EXOC6B: variants seen among roughly 807,000 people sequenced by gnomAD.
The protein encoded by EXOC6B is SEC15 homolog B.
EXOC6B carries 54 observed loss-of-function variants against 113.5 expected under a neutral mutation model. The observed-to-expected ratio is 0.48, with a 90% CI of 0.38 to 0.60. The LOEUF is 0.60. Ranked by LOEUF, EXOC6B falls within the 20% of genes least tolerant of loss-of-function variation. EXOC6B has a pLI of 0.00. For synonymous variants in EXOC6B, 357 were observed against 339.0 expected (o/e 1.05, Z -0.58); for missense variants, 797 against 977.5 (o/e 0.82, Z 2.46).
At chr2:72,182,505 G>A (rs1264387531) in intron 21 of EXOC6B, among the ~76,000 whole-genome samples, 1 of 152,122 alleles carries the variant, frequency 6.6e-6, no homozygotes, top group African/African-American at 2.4e-5. Context: ...TATAAGAGAT[G>A]CAGGTTCTAG....
chr2:72,533,743 C>G (rs575627086), intron 8 of EXOC6B, among the ~76,000 whole-genome samples: 1 of 152,232 alleles, frequency 6.6e-6, no homozygotes, highest in East Asian at 1.9e-4. Context: ...AGCTCTTTCT[C>G]CTCACACTTC....
intron 8 of EXOC6B, among the ~76,000 whole-genome samples, chr2:72,523,674 G>C (rs931804516): frequency 1.3e-5 from 2 of 151,468 alleles, no homozygotes; most frequent in Non-Finnish European, 2.9e-5. Context: ...CCAGCTACTC[G>C]GGAGGCTGAG....
At chr2:72,262,925 A>G (rs1046284998) in intron 20 of EXOC6B, among the ~76,000 whole-genome samples, 19 of 152,234 alleles carry the variant, frequency 1.2e-4, no homozygotes, top group African/African-American at 4.6e-4. Context: ...CATGTAGACA[A>G]TAAACAAGCC....
chr2:72,581,310 G>A (rs751564953), intron 6 of EXOC6B, among the ~76,000 whole-genome samples: 19 of 151,782 alleles, frequency 1.3e-4, no homozygotes, highest in African/African-American at 3.4e-4. Flanking sequence ...TATCAGATTC[G>A]AACAAACAAA....
intron 8 of EXOC6B, among the ~76,000 whole-genome samples, chr2:72,554,755 T>C (rs1023819461): frequency 1.3e-5 from 2 of 152,134 alleles, no homozygotes; most frequent in African/African-American, 4.8e-5. Context: ...TTTGTTTTTA[T>C]TTTTTATTTT....
intron 18 of EXOC6B, among the ~76,000 whole-genome samples, chr2:72,388,006 T>C (rs563440213): frequency 6.6e-6 from 1 of 152,280 alleles, no homozygotes; most frequent in East Asian, 1.9e-4. Context: ...CAATTTTGTT[T>C]CCCAGGGACA....
chr2:72,708,947 T>C (rs906458426), intron 6 of EXOC6B, among the ~76,000 whole-genome samples: 2 of 145,708 alleles, frequency 1.4e-5, no homozygotes, highest in Admixed American at 7.0e-5. Context: ...TCTTACTATG[T>C]TGCCCACACT....
At chr2:72,401,508 T>C (rs1483179932) in intron 18 of EXOC6B, among the ~76,000 whole-genome samples, 2 of 50,944 alleles carry the variant, frequency 3.9e-5, no homozygotes, top group African/African-American at 3.8e-4. Context: ...TATATATATA[T>C]ATATATACAT....
At chr2:72,312,937 C>T (rs1157235032) in intron 20 of EXOC6B, among the ~76,000 whole-genome samples, 1 of 152,094 alleles carries the variant, frequency 6.6e-6, no homozygotes, top group Admixed American at 6.5e-5. Flanking sequence ...CACAAGCATT[C>T]TAACCTCCTC....
chr2:72,325,308 A>G (rs2104844112), intron 20 of EXOC6B, among the ~76,000 whole-genome samples: 1 of 152,256 alleles, frequency 6.6e-6, no homozygotes, highest in South Asian at 2.1e-4. Context: ...TTAAGAGATG[A>G]GAATCCCATA....
rs575963279 is a variant in EXOC6B, at chr2:72,726,356, G to A, written c.464+4651C>T. Among the ~76,000 whole-genome samples the A allele has an allele frequency of 2.2e-4, 33 of 152,194 alleles. No homozygotes were observed. The East Asian group carries it at 6.4e-3, about 29-fold the overall frequency. The stretch of plus-strand genomic sequence containing the variant: ...TACACTTAAAAATGATGAATGTTAT[G>A]ATATATGAATTGTAATTCAATTTAA... On this transcript the variant is annotated intron_variant, in intron 5 of 21. Transcript: ENST00000272427.
intron 18 of EXOC6B, among the ~76,000 whole-genome samples, chr2:72,391,830 C>T (rs1479939921): frequency 6.6e-6 from 1 of 152,098 alleles, no homozygotes; most frequent in Non-Finnish European, 1.5e-5. Context: ...CCTGTGAGCC[C>T]AGGAATTTAA....
Position 72,499,938 on chromosome 2 carries a change from A to G in EXOC6B, c.1202T>C (p.Leu401Ser), listed in dbSNP as rs2105589514. Residue 401 changes from leucine (L) to serine (S), a missense_variant, in exon 12 of 22, where the codon TTG becomes TCG. Physicochemically the swap from Leu to Ser is moderately radical, Grantham distance 145 (BLOSUM62 -2). Coordinates refer to ENST00000272427, the MANE Select transcript of EXOC6B (RefSeq NM_015189.3). ...AGCAAAAAGCACAATGAGGTTCTTC[A>G]AATCTAACACAAGGTTTGGATCAGA... ...YCSDPNLVLD[L>S]KNLIVLFADT... is the part of the protein sequence containing the mutation. 2 of 1,553,582 alleles carry G rather than the reference A, an allele frequency of 1.3e-6. No individual in the cohort carries two copies. Among genetic ancestry groups the G allele is most frequent in the East Asian group, 4.9e-5 (2 of 41,234 alleles).
At chr2:72,404,740 A>G (rs1015088489) in intron 18 of EXOC6B, among the ~76,000 whole-genome samples, 8 of 152,236 alleles carry the variant, frequency 5.3e-5, no homozygotes, top group African/African-American at 1.9e-4. Flanking sequence ...AAGGTAGATA[A>G]AACCACAAAG....
chr2:72,663,093 A>G (rs371387741), intron 6 of EXOC6B, among the ~76,000 whole-genome samples: 16 of 152,322 alleles, frequency 1.1e-4, no homozygotes, highest in African/African-American at 2.6e-4. Flanking sequence ...TTTACCATAG[A>G]TAAATAGAAA....
intron 5 of EXOC6B, among the ~76,000 whole-genome samples, chr2:72,721,115 G>A (rs1044198139): frequency 2.6e-5 from 4 of 151,898 alleles, no homozygotes; most frequent in African/African-American, 7.3e-5. Flanking sequence ...GATCACTTGC[G>A]GTCAGGAGTT....
At chr2:72,666,134 T>G (rs1314107853) in intron 6 of EXOC6B, among the ~76,000 whole-genome samples, 3 of 152,086 alleles carry the variant, frequency 2.0e-5, no homozygotes, top group Non-Finnish European at 4.4e-5. Context: ...TCAACAAGAC[T>G]TAACTATCCT....
intron 6 of EXOC6B, among the ~76,000 whole-genome samples, chr2:72,604,404 A>G (rs1670622517): frequency 6.6e-6 from 1 of 152,240 alleles, no homozygotes; most frequent in Admixed American, 6.5e-5. Context: ...AGAAAACAAA[A>G]AAGAATTCAA....
chr2:72,242,090 C>G (rs1031751215), intron 20 of EXOC6B, among the ~76,000 whole-genome samples: 1 of 151,992 alleles, frequency 6.6e-6, no homozygotes, highest in Non-Finnish European at 1.5e-5. Context: ...AGCTGTAGTC[C>G]CAGCTACTGG....
Sources: gnomAD v4.1 joint callset for allele counts (sites outside exome capture counted in the v4.1 genomes callset) on GRCh38, gnomAD v4.1.1 for gene constraint, MANE v1.5 for transcripts, NCBI Gene and HGNC (gene_info 2026-07-23, HGNC 2026-07-21) for gene names.